ZDHHC14: variants seen among roughly 807,000 people sequenced by gnomAD.
ZDHHC14 encodes palmitoyltransferase ZDHHC14.
Under a neutral mutation model 47.7 loss-of-function variants are expected in ZDHHC14, and 16 were observed. The ratio of observed to expected loss-of-function variants is 0.34; its 90% CI spans 0.23 to 0.51. The LOEUF (loss-of-function observed/expected upper bound fraction) is 0.51. Among genes scored for constraint, ZDHHC14 ranks in the 20% least tolerant of loss-of-function variants. The probability of loss-of-function intolerance (pLI) is 0.97; values close to 1 mark genes in which losing one functional copy is unlikely to be tolerated. For missense variants in ZDHHC14, 515 were observed against 662.5 expected (o/e 0.78, Z 2.44); for synonymous variants, 293 against 278.9 (o/e 1.05, Z -0.50).
Position 157,463,850 on chromosome 6 carries a change from C to T in ZDHHC14, c.246-78735C>T, listed in dbSNP as rs1779149902. Among the ~76,000 whole-genome samples the T allele has an allele frequency of 6.6e-6, 1 of 151,984 alleles. No individual in the cohort carries two copies. Among genetic ancestry groups the T allele is most frequent in the South Asian group, 2.1e-4 (1 of 4,812 alleles). On this transcript the variant is annotated intron_variant, in intron 1 of 8. Transcript: ENST00000359775. This position sits in a 1 kb window ranked among gnomAD's most constrained non-coding sequence, Gnocchi z 4.4. Reference sequence around the variant, plus strand: ...GACCAGCCTGGCCAATGTGGTGAAACCCCATCTCTACAAAAAATACAAAAA... The same window carrying T: ...GACCAGCCTGGCCAATGTGGTGAAATCCCATCTCTACAAAAAATACAAAAA...
At chr6:157,554,318 T>C (rs1209324623) in intron 2 of ZDHHC14, among the ~76,000 whole-genome samples, 1 of 152,214 alleles carries the variant, frequency 6.6e-6, no homozygotes, top group East Asian at 1.9e-4. Flanking sequence ...TGGTGGACGA[T>C]GAGTGGCAGC....
intron 3 of ZDHHC14, among the ~76,000 whole-genome samples, chr6:157,625,168 G>A (rs771179143): frequency 2.6e-5 from 4 of 152,112 alleles, no homozygotes; most frequent in Non-Finnish European, 5.9e-5. Flanking sequence ...CACGAACTTC[G>A]GGGGACACAT....
intron 1 of ZDHHC14, among the ~76,000 whole-genome samples, chr6:157,483,463 T>G (rs1779681900): frequency 3.3e-5 from 5 of 152,178 alleles, no homozygotes. Context: ...TGAAATATGT[T>G]TTTCCCCCTG....
intron 2 of ZDHHC14, among the ~76,000 whole-genome samples, chr6:157,560,671 A>G (rs1782674440): frequency 6.6e-6 from 1 of 152,234 alleles, no homozygotes; most frequent in African/African-American, 2.4e-5. Flanking sequence ...AAAATCAGTA[A>G]ATGTCATTAC....
chr6:157,443,499 G>A lies in ZDHHC14; in HGVS notation c.245+61233G>A, dbSNP rs533371719. On this transcript the variant is annotated intron_variant, in intron 1 of 8. Transcript: ENST00000359775. ...CAGCATTCTTTTAAGGGAAAGCACC[G>A]TGAGCTATGAAGAAACCAGATGGTG... 1.1e-3 allele frequency among the ~76,000 whole-genome samples: 170 copies of A among 152,250 alleles called. 1 individual carries two copies. Among genetic ancestry groups the A allele is most frequent in the African/African-American group, 4.0e-3 (165 of 41,526 alleles).
intron 1 of ZDHHC14, among the ~76,000 whole-genome samples, chr6:157,418,717 T>C (rs1778036821): frequency 6.6e-6 from 1 of 152,176 alleles, no homozygotes; most frequent in African/African-American, 2.4e-5. Context: ...ATTCCCCATC[T>C]CTCAGCAAAT....
intron 1 of ZDHHC14, among the ~76,000 whole-genome samples, chr6:157,484,457 T>G (rs1262506634): frequency 1.4e-5 from 2 of 142,876 alleles, no homozygotes; most frequent in Admixed American, 1.4e-4. Flanking sequence ...TATGTATATG[T>G]GTATATATAC....
At chr6:157,534,643 C>T (rs1021898762) in intron 1 of ZDHHC14, among the ~76,000 whole-genome samples, 2 of 151,948 alleles carry the variant, frequency 1.3e-5, no homozygotes, top group East Asian at 1.9e-4. Context: ...GGCTGGAGTG[C>T]GGTGGCATGA....
In ZDHHC14 at chr6:157,501,508, A is replaced by G. The variant is rs547015225; in HGVS notation, c.246-41077A>G. Among the ~76,000 whole-genome samples the G allele has an allele frequency of 7.2e-5, 11 of 152,344 alleles. No homozygotes were observed. The South Asian group carries it at 2.3e-3, about 32-fold the overall frequency. On this transcript the variant is annotated intron_variant, in intron 1 of 8. Transcript: ENST00000359775. ...TTACGGCCTGTGATTAGATATTTTC[A>G]TAACACTGAAATTTAAGCCTTGACA... is the stretch of plus-strand genomic sequence containing the variant.
At chr6:157,513,825 G>GA (rs1307327881) in intron 1 of ZDHHC14, among the ~76,000 whole-genome samples, 1 of 152,184 alleles carries the variant, frequency 6.6e-6, no homozygotes, top group East Asian at 1.9e-4. Flanking sequence ...TCCGGACTCT[G>GA]AAGATGAGGC....
At chr6:157,455,565 T>C (rs137900542) in intron 1 of ZDHHC14, among the ~76,000 whole-genome samples, 1 of 152,124 alleles carries the variant, frequency 6.6e-6, no homozygotes, top group Non-Finnish European at 1.5e-5. Context: ...CCTTTGTGCT[T>C]GCGTTTGTGT....
chr6:157,416,670 TAAAAAAAAAAAAAAAAA>T (rs570772103), intron 1 of ZDHHC14, among the ~76,000 whole-genome samples: 1 of 75,322 alleles, frequency 1.3e-5, no homozygotes, highest in African/African-American at 5.0e-5. Flanking sequence ...CCTGTCTCAT[TAAAAAAAAAAAAAAAAA>T]AAAAAAAAAG....
chr6:157,590,162 T>C (rs1291008700), intron 2 of ZDHHC14, among the ~76,000 whole-genome samples: 4 of 152,184 alleles, frequency 2.6e-5, no homozygotes, highest in African/African-American at 9.7e-5. Context: ...TTGGAAAATT[T>C]GTAGCCAGAT....
Position 157,573,534 on chromosome 6 carries a change from C to A in ZDHHC14, c.407-19454C>A, listed in dbSNP as rs1284880077. On this transcript the variant is annotated intron_variant, in intron 2 of 8. Transcript: ENST00000359775. ...CCAGGGCCCCTTCTAGATCCCCATC[C>A]CTGTCATGTGGGGTAGGCCCCCTGC... Among the ~76,000 whole-genome samples, 3 of 152,196 alleles carry A rather than the reference C, an allele frequency of 2.0e-5. No individual in the cohort carries two copies. In the East Asian group the frequency reaches 5.8e-4, roughly 29 times the overall value.
intron 3 of ZDHHC14, among the ~76,000 whole-genome samples, chr6:157,601,098 A>G (rs2114906653): frequency 6.6e-6 from 1 of 152,346 alleles, no homozygotes; most frequent in Middle Eastern, 3.4e-3. Flanking sequence ...CTCCTGACCC[A>G]CAAAAATCGC....
chr6:157,451,887 A>G (rs1173082136), intron 1 of ZDHHC14, among the ~76,000 whole-genome samples: 1 of 152,206 alleles, frequency 6.6e-6, no homozygotes, highest in African/African-American at 2.4e-5. Flanking sequence ...GGAAGGTGGC[A>G]TATATTTTTG....
intron 1 of ZDHHC14, among the ~76,000 whole-genome samples, chr6:157,408,342 G>T (rs759551006): frequency 1.6e-4 from 24 of 151,978 alleles, no homozygotes; most frequent in Non-Finnish European, 3.1e-4. Flanking sequence ...TGCAGGATGT[G>T]CAGGCTTGTT....
In ZDHHC14 at chr6:157,429,435, A is replaced by G. The variant is rs377685513; in HGVS notation, c.245+47169A>G. Among the ~76,000 whole-genome samples the G allele has an allele frequency of 6.6e-5, 10 of 152,274 alleles. 1 individual carries two copies. The highest frequency in any genetic ancestry group is 2.1e-4 in the South Asian group (1 of 4,826). ...AAAACTTTGCACATCACTGCCCTAG[A>G]TGGATGGTAAGTCTTTAACTGATGA... On this transcript the variant is annotated intron_variant, in intron 1 of 8. Coordinates refer to ENST00000359775, the MANE Select transcript of ZDHHC14 (RefSeq NM_024630.3).
chr6:157,398,091 C>A (rs1027193664), intron 1 of ZDHHC14, among the ~76,000 whole-genome samples: 5 of 151,740 alleles, frequency 3.3e-5, no homozygotes, highest in East Asian at 3.9e-4. Flanking sequence ...CCCAGCCCCC[C>A]CCGGCTCCCC....
Sources: gnomAD v4.1 joint callset for allele counts (sites outside exome capture counted in the v4.1 genomes callset) on GRCh38, gnomAD v4.1.1 for gene constraint, Gnocchi (gnomAD v3.1) non-coding constraint, MANE v1.5 for transcripts, NCBI Gene and HGNC (gene_info 2026-07-23, HGNC 2026-07-21) for gene names.